The following ABCF1 variants were observed in gnomAD, a reference collection of about 807,000 sequenced individuals.
The protein encoded by ABCF1 is ATP binding cassette subfamily F member 1, also known as ATP-binding cassette sub-family F member 1.
ABCF1 carries 73 observed loss-of-function variants against 126.3 expected under a neutral mutation model. The ratio of observed to expected loss-of-function variants is 0.58; its 90% CI spans 0.48 to 0.70. ABCF1 has a LOEUF of 0.70. ABCF1 is among the 30% of genes least tolerant of loss of function. ABCF1 has a pLI of 0.00. For synonymous variants in ABCF1, 345 were observed against 396.4 expected (o/e 0.87, Z 1.54); for missense variants, 786 against 1,057.5 (o/e 0.74, Z 3.56).
Position 30,574,149 on chromosome 6 carries a change from G to GTTT in ABCF1, c.73+2599_73+2601dup, listed in dbSNP as rs536648577. On this transcript the variant is annotated intron_variant, in intron 1 of 24. Transcript: ENST00000326195. The surrounding 1 kb of genome is among the most constrained non-coding windows in gnomAD (Gnocchi z 4.3). ...CAAAAGATTTTTTTGGTTTTGGTGG[G>GTTT]TTTTTTTTTTTTGTGACGGAGCCTC... is the stretch of plus-strand genomic sequence containing the variant. Among the ~76,000 whole-genome samples, 1 of 144,030 alleles carries GTTT rather than the reference G, an allele frequency of 6.9e-6. No homozygotes were observed. Among genetic ancestry groups the GTTT allele is most frequent in the Admixed American group, 6.9e-5 (1 of 14,428 alleles). 94.5% of individuals were successfully genotyped at this position (144,030 alleles called of 152,430 possible).
In ABCF1 at chr6:30,571,548, A is replaced by G. The variant is rs1403613395; in HGVS notation, c.61A>G (p.Thr21Ala). 1 of 1,610,330 alleles carries G rather than the reference A, an allele frequency of 6.2e-7. No homozygotes were observed. The highest frequency in any genetic ancestry group is 1.7e-5 in the Admixed American group (1 of 59,846). ...CGAGTGGATCGGGGACGGAGAGAGC[A>G]CGAGCCCATCAGGTGAGGCTGGTAG... Reference protein sequence around the residue: ...EPEWIGDGESTSPSDKVVKKG... With the variant: ...EPEWIGDGESASPSDKVVKKG... Residue 21 changes from threonine (T) to alanine (A), a missense_variant, in exon 1 of 25, where the codon ACG becomes GCG. Physicochemically the swap from Thr to Ala is moderately conservative, Grantham distance 58 (BLOSUM62 0). Coordinates refer to ENST00000326195, the MANE Select transcript of ABCF1 (RefSeq NM_001025091.2).
At chr6:30,572,013 A>T (rs1278030715) in intron 1 of ABCF1, among the ~76,000 whole-genome samples, 8 of 152,034 alleles carry the variant, frequency 5.3e-5, no homozygotes, top group Non-Finnish European at 1.0e-4. Context: ...CTTTCTTAAG[A>T]CACCCCTCTC....
chr6:30,589,486 C>G, intron 20 of ABCF1: 1 of 619,374 alleles, frequency 1.6e-6, no homozygotes, highest in Non-Finnish European at 2.8e-6. Flanking sequence ...ACCTGTATTC[C>G]CAGCTACTGG....
chr6:30,587,110 C>T (rs896272316), intron 20 of ABCF1, among the ~76,000 whole-genome samples: 1 of 152,106 alleles, frequency 6.6e-6, no homozygotes, highest in Admixed American at 6.6e-5. Context: ...AAAAATTAGC[C>T]GTGTGCGGTG....
At chr6:30,573,590 G>A (rs1801359954) in intron 1 of ABCF1, among the ~76,000 whole-genome samples, 1 of 152,196 alleles carries the variant, frequency 6.6e-6, no homozygotes, top group African/African-American at 2.4e-5. Context: ...AGGCTGAAGA[G>A]ATGAGACTGA....
chr6:30,591,207 C>G lies in ABCF1; in HGVS notation c.*506C>G, dbSNP rs1802437670. On this transcript the variant is annotated 3_prime_UTR_variant, in exon 25 of 25. Coordinates refer to ENST00000326195, the MANE Select transcript of ABCF1 (RefSeq NM_001025091.2). ...CCATTATCCAGCCCAAGATTTGGTG[C>G]CTGCAGCCTCTTGTCTGGTTGAGGA... The G allele has an allele frequency of 6.5e-6, 1 of 153,974 alleles. No homozygotes were observed. Among genetic ancestry groups the G allele is most frequent in the Non-Finnish European group, 1.4e-5 (1 of 69,350 alleles). 9.5% of individuals were successfully genotyped at this position (153,974 alleles called of 1,614,324 possible). A position where few individuals can be genotyped will look rare whatever the true frequency, so the allele number is the denominator to read the frequency against.
rs1210345886 is a variant in ABCF1 at position 30,578,162 on chromosome 6, T to TA, written c.305dup (p.Lys103GlufsTer8). 1 of 1,614,012 alleles carries TA rather than the reference T, an allele frequency of 6.2e-7. No homozygotes were observed. The highest frequency in any genetic ancestry group is 8.5e-7 in the Non-Finnish European group (1 of 1,179,996). On this transcript the variant is annotated frameshift_variant, in exon 4 of 25. Coordinates refer to ENST00000326195, the MANE Select transcript of ABCF1 (RefSeq NM_001025091.2). LOFTEE classifies it high-confidence loss of function. ...AAGAGAAAGAGCTCATGGAGCGTCTTAAGAAGCTCTCAGTGCCAACCAGTG... is the reference window on the plus strand; with the variant it reads ...AAGAGAAAGAGCTCATGGAGCGTCTTAAAGAAGCTCTCAGTGCCAACCAGTG...
At chr6:30,571,752 C>A (rs976791292) in intron 1 of ABCF1, among the ~76,000 whole-genome samples, 192 bp downstream of exon 1, 2 of 152,034 alleles carry the variant, frequency 1.3e-5, no homozygotes, top group African/African-American at 2.4e-5. Flanking sequence ...GAAAGAGATC[C>A]AGATGTCGCA....
intron 1 of ABCF1, among the ~76,000 whole-genome samples, chr6:30,576,628 A>G (rs1801517976): frequency 6.6e-6 from 1 of 151,712 alleles, no homozygotes; most frequent in Admixed American, 6.6e-5. Context: ...CATCCTATGA[A>G]TTCTTCTTTA....
At position 30,584,312 on chromosome 6, in the gene ABCF1, C is replaced by G. The variant is rs1801993803; in HGVS notation, c.1223C>G (p.Ala408Gly). 1 of 1,612,990 alleles carries G rather than the reference C, an allele frequency of 6.2e-7. No individual in the cohort carries two copies. Among genetic ancestry groups the G allele is most frequent in the Non-Finnish European group, 8.5e-7 (1 of 1,180,036 alleles). The change falls in exon 13 of 25, where the codon GCT becomes GGT. Residue 408 changes from alanine (A) to glycine (G), a missense_variant. Transcript: ENST00000326195. The surrounding 1 kb of genome is among the most constrained non-coding windows in gnomAD (Gnocchi z 4.6). ...QGQLEQGDDT[A>G]AERLEKVYEE... is the part of the protein sequence containing the mutation. Reference sequence around the variant, plus strand: ...CAGCTGGAACAAGGGGATGACACAGCTGCTGAGAGGCTAGAGAAGGTAGAG... The same window carrying G: ...CAGCTGGAACAAGGGGATGACACAGGTGCTGAGAGGCTAGAGAAGGTAGAG...
chr6:30,572,955 A>G (rs1315334735), intron 1 of ABCF1, among the ~76,000 whole-genome samples: 2 of 152,242 alleles, frequency 1.3e-5, no homozygotes, highest in Non-Finnish European at 2.9e-5. Context: ...TGCTCAGGAG[A>G]CAGATAATGA....
intron 6 of ABCF1, 122 bp from the exon 7 acceptor site, chr6:30,579,809 G>T: frequency 1.1e-6 from 1 of 902,730 alleles, no homozygotes; most frequent in Non-Finnish European, 1.6e-6. Context: ...GATGCAACCT[G>T]TCGTAAATGG....
chr6:30,577,313 TAAA>T (rs1801553517), intron 1 of ABCF1, 93 bp from the exon 2 acceptor site: 1 of 1,152,616 alleles, frequency 8.7e-7, no homozygotes, highest in Non-Finnish European at 1.2e-6. Flanking sequence ...AGAAAAATAA[TAAA>T]ATAGGATAGA....
In ABCF1 at chr6:30,574,415, G is replaced by A. The variant is rs1301155408; in HGVS notation, c.73+2855G>A. Among the ~76,000 whole-genome samples the A allele has an allele frequency of 6.6e-6, 1 of 152,212 alleles. No individual in the cohort carries two copies. Among genetic ancestry groups the A allele is most frequent in the Admixed American group, 6.5e-5 (1 of 15,276 alleles). ...GGTCCCCAAAATGTTGGGATTACAG[G>A]CGTGAGCCAGTGTGCCTGGCCACAA... On this transcript the variant is annotated intron_variant, in intron 1 of 24. Transcript: ENST00000326195. The surrounding 1 kb of genome is among the most constrained non-coding windows in gnomAD (Gnocchi z 4.3).
intron 6 of ABCF1, among the ~76,000 whole-genome samples, 190 bp downstream of exon 6, chr6:30,578,767 C>T (rs1407807281): frequency 2.6e-5 from 4 of 152,024 alleles, no homozygotes; most frequent in Non-Finnish European, 4.4e-5. Flanking sequence ...TTTGGGAGGC[C>T]GAGGTGGGCG....
intron 15 of ABCF1, 94 bp from the exon 16 acceptor site, chr6:30,585,464 C>G: frequency 6.3e-7 from 1 of 1,589,034 alleles, no homozygotes; most frequent in East Asian, 2.2e-5. Context: ...TTCAGACCCC[C>G]CTTTCCCTCC....
chr6:30,589,635 T>C, intron 20 of ABCF1, 53 bp from the exon 21 acceptor site: 1 of 1,585,070 alleles, frequency 6.3e-7, no homozygotes, highest in Non-Finnish European at 8.6e-7. Flanking sequence ...TGTATGGAGC[T>C]GCAGCACCTT....
chr6:30,581,601 C>T (rs2127410385), intron 8 of ABCF1, among the ~76,000 whole-genome samples: 1 of 151,936 alleles, frequency 6.6e-6, no homozygotes, highest in East Asian at 1.9e-4. Flanking sequence ...GACAGGATTT[C>T]ACCATGTTAG....
At position 30,582,523 on chromosome 6, in the gene ABCF1, T is replaced by C. The variant is rs781305441; in HGVS notation, c.792+16T>C. On this transcript the variant is annotated intron_variant, in intron 9 of 24. Coordinates refer to ENST00000326195, the MANE Select transcript of ABCF1 (RefSeq NM_001025091.2). ...GAAAAAACAGGTAAGACCTTGGTTC[T>C]TAGCGGTCAAAAGTAGGGGATTTTT... is the stretch of plus-strand genomic sequence containing the variant. The C allele has an allele frequency of 3.1e-6, 5 of 1,611,716 alleles. No homozygotes were observed. The highest frequency in any genetic ancestry group is 4.2e-6 in the Non-Finnish European group (5 of 1,179,622).
Sources: allele counts gnomAD v4.1 joint callset (sites outside exome capture counted in the v4.1 genomes callset), GRCh38; gene constraint gnomAD v4.1.1; non-coding constraint Gnocchi (gnomAD v3.1); transcripts MANE v1.5; gene names NCBI Gene and HGNC (gene_info 2026-07-23, HGNC 2026-07-21).